Variants in TGFBR1 observed in about 807,000 individuals in gnomAD.
TGFBR1 encodes the protein TGF-beta receptor type-1.
A neutral mutation model predicts 55.1 loss-of-function variants in TGFBR1; 20 were observed. The ratio of observed to expected loss-of-function variants is 0.36; its 90% CI spans 0.26 to 0.53. The LOEUF is 0.53. Among genes scored for constraint, TGFBR1 ranks in the 20% least tolerant of loss-of-function variants. The pLI is 0.91. For synonymous variants in TGFBR1, 220 were observed against 214.8 expected (o/e 1.02, Z -0.21); for missense variants, 385 against 617.6 (o/e 0.62, Z 3.99).
chr9:99,109,111 G>T (rs543164484), intron 1 of TGFBR1, among the ~76,000 whole-genome samples: 57 of 152,300 alleles, frequency 3.7e-4, no homozygotes, highest in African/African-American at 1.3e-3. Context: ...ACGAAGGGAT[G>T]AGTGACTTCC....
rs200204084 is a variant in TGFBR1, at chr9:99,151,399, T to G, written c.*2094T>G. ...TTTTTTGTGGGGGTTTTTTTTTTGT[T>G]TTTTTTTTTTTGTTGTTGTTTTTGG... On this transcript the variant is annotated 3_prime_UTR_variant, in exon 9 of 9. Transcript: ENST00000374994. 18 of 200,656 alleles carry G rather than the reference T, an allele frequency of 9.0e-5. No individual in the cohort carries two copies. The highest frequency in any genetic ancestry group is 6.8e-4 in the South Asian group (3 of 4,408). 12.4% of individuals were successfully genotyped at this position (200,656 alleles called of 1,614,324 possible).
chr9:99,127,827 C>T, intron 1 of TGFBR1: 1 of 414,544 alleles, frequency 2.4e-6, no homozygotes. Flanking sequence ...TTTCATGTGA[C>T]CATGGTGAAA....
intron 1 of TGFBR1, among the ~76,000 whole-genome samples, chr9:99,116,618 A>C (rs953478495): frequency 1.3e-5 from 2 of 152,250 alleles, no homozygotes; most frequent in African/African-American, 4.8e-5. Flanking sequence ...AGGTATAAAT[A>C]ACATCAAGAC....
chr9:99,124,612 A>C (rs1221025605), intron 1 of TGFBR1, among the ~76,000 whole-genome samples: 1 of 152,176 alleles, frequency 6.6e-6, no homozygotes. Context: ...ACTCATGTTC[A>C]TGGAAAAAAT....
chr9:99,137,825 G>T (rs942871373), intron 3 of TGFBR1, 34 bp from the exon 4 acceptor site: 20 of 1,551,410 alleles, frequency 1.3e-5, no homozygotes, highest in Admixed American at 5.0e-5. Context: ...TAATATTGTT[G>T]ATTGTGTTGA....
chr9:99,147,766 CAG>C lies in TGFBR1; in HGVS notation c.1370_1371del (p.Arg457MetfsTer5). The part of the protein sequence containing the change: ...EQKLRPNIPN[R>X]WQSCEALRVM... Reference sequence around the variant, plus strand: ...AGAAGTTAAGGCCAAATATCCCAAACAGATGGCAGAGCTGTGAAGTGAGTATT... The same window carrying C: ...AGAAGTTAAGGCCAAATATCCCAAACATGGCAGAGCTGTGAAGTGAGTATT... On this transcript the variant is annotated frameshift_variant, in exon 8 of 9. Coordinates refer to ENST00000374994, the MANE Select transcript of TGFBR1 (RefSeq NM_004612.4). LOFTEE classifies it high-confidence loss of function. 6.2e-7 allele frequency: 1 copy of C among 1,613,804 alleles called. No homozygotes were observed. Among genetic ancestry groups the C allele is most frequent in the Non-Finnish European group, 8.5e-7 (1 of 1,179,820 alleles).
At chr9:99,137,829 G>T (rs1317155955) in intron 3 of TGFBR1, 30 bp from the exon 4 acceptor site, 9 of 1,562,764 alleles carry the variant, frequency 5.8e-6, no homozygotes, top group Non-Finnish European at 7.9e-6. Context: ...ATTGTTGATT[G>T]TGTTGAGTAC....
At chr9:99,121,055 GTTCTT>G (rs1826883076) in intron 1 of TGFBR1, among the ~76,000 whole-genome samples, 1 of 152,176 alleles carries the variant, frequency 6.6e-6, no homozygotes. Context: ...GGAGTGCCCT[GTTCTT>G]TTAAGATGTG....
rs868572018 is a variant in TGFBR1 at position 99,134,018 on chromosome 9, T to A, written c.574+1279T>A. Among the ~76,000 whole-genome samples the A allele has an allele frequency of 1.2e-3, 182 of 146,880 alleles. 2 individuals carry two copies. The Middle Eastern group carries it at 0.021, about 17-fold the overall frequency. ...ATCTAAAAAAAAAAAAAAAAAAAAATTTTCACTAATTTTATAATTGAGTGA... is the reference window on the plus strand; with the variant it reads ...ATCTAAAAAAAAAAAAAAAAAAAAAATTTCACTAATTTTATAATTGAGTGA... On this transcript the variant is annotated intron_variant, in intron 3 of 8. Transcript: ENST00000374994.
intron 1 of TGFBR1, among the ~76,000 whole-genome samples, chr9:99,111,411 G>A (rs1253276812): frequency 6.8e-6 from 1 of 146,616 alleles, no homozygotes; most frequent in Non-Finnish European, 1.5e-5. Context: ...GGCGAATCAC[G>A]AGGTCAGGAG....
At chr9:99,133,476 C>A (rs1045643411) in intron 3 of TGFBR1, among the ~76,000 whole-genome samples, 19 of 152,094 alleles carry the variant, frequency 1.2e-4, no homozygotes, top group African/African-American at 4.3e-4. Flanking sequence ...TTTACTTTTT[C>A]TTGCATGTGG....
chr9:99,141,273 A>G (rs1588588928), intron 4 of TGFBR1, among the ~76,000 whole-genome samples: 1 of 152,370 alleles, frequency 6.6e-6, no homozygotes, highest in South Asian at 2.1e-4. Flanking sequence ...CAGTTTATAA[A>G]GTTCATGAAG....
intron 5 of TGFBR1, among the ~76,000 whole-genome samples, chr9:99,144,216 C>T (rs1268769697): frequency 1.3e-5 from 2 of 152,206 alleles, no homozygotes; most frequent in African/African-American, 4.8e-5. Context: ...AACTGCCATA[C>T]TATTTTCTTA....
Position 99,149,180 on chromosome 9 carries a change from G to T in TGFBR1, c.1387G>T (p.Ala463Ser), listed in dbSNP as rs776749573. Residue 463 changes from alanine to serine, a missense_variant and splice_region_variant, in exon 9 of 9, where the codon GCC becomes TCC. Ala to Ser is a moderately conservative substitution (Grantham distance 99, BLOSUM62 1). Around this residue, in one of 5 missense-constraint regions of TGFBR1, gnomAD observed 110 missense variants for 154.6 expected, o/e 0.71. Transcript: ENST00000374994. ...TTTTTTTTTTTATATTTTCTTGTAG[G>T]CCTTGAGAGTAATGGCTAAAATTAT... ...NIPNRWQSCE[A>S]LRVMAKIMRE... is the part of the protein sequence containing the mutation. 3 of 1,606,230 alleles carry T rather than the reference G, an allele frequency of 1.9e-6. No individual in the cohort carries two copies. The South Asian group carries it at 3.3e-5, about 18-fold the overall frequency.
At position 99,149,292 on chromosome 9, in the gene TGFBR1, G is replaced by T; in HGVS notation, c.1499G>T (p.Gly500Val). 1.9e-6 allele frequency: 3 copies of T among 1,613,714 alleles called. No homozygotes were observed. Among genetic ancestry groups the T allele is most frequent in the Non-Finnish European group, 2.5e-6 (3 of 1,179,770 alleles). The part of the protein sequence containing the change: ...KTLSQLSQQE[G>V]IKM ...TTATCGCAACTCAGTCAACAGGAAG[G>T]CATCAAAATGTAATTCTACAGCTTT... The change falls in exon 9 of 9, where the codon GGC (glycine) becomes GTC (valine). Residue 500 changes from glycine to valine, a missense_variant. Around this residue, in one of 5 missense-constraint regions of TGFBR1, gnomAD observed 110 missense variants for 154.6 expected, o/e 0.71. Coordinates refer to ENST00000374994, the MANE Select transcript of TGFBR1 (RefSeq NM_004612.4).
intron 1 of TGFBR1, among the ~76,000 whole-genome samples, chr9:99,121,313 T>G (rs1270585470): frequency 6.6e-6 from 1 of 152,188 alleles, no homozygotes; most frequent in Non-Finnish European, 1.5e-5. Flanking sequence ...CTGAGTATTT[T>G]GAGGAACAAA....
At chr9:99,146,259 C>G (rs1827792876) in intron 6 of TGFBR1, among the ~76,000 whole-genome samples, 1 of 152,136 alleles carries the variant, frequency 6.6e-6, no homozygotes, top group Admixed American at 6.5e-5. Context: ...AAACCAAGAT[C>G]ATGAGGCAGA....
At chr9:99,108,763 G>A (rs911625884) in intron 1 of TGFBR1, among the ~76,000 whole-genome samples, 2 of 152,174 alleles carry the variant, frequency 1.3e-5, no homozygotes, top group Non-Finnish European at 2.9e-5. Flanking sequence ...GAATTTGGAT[G>A]TATTAACCTC....
intron 7 of TGFBR1, 91 bp downstream of exon 7, chr9:99,146,700 A>T (rs1259788459): frequency 1.9e-6 from 3 of 1,582,602 alleles, no homozygotes; most frequent in Admixed American, 1.7e-5. Context: ...AATTATGTAC[A>T]GTCCATTATC....
Sources: gnomAD v4.1 joint callset for allele counts (sites outside exome capture counted in the v4.1 genomes callset) on GRCh38, gnomAD v4.1.1 for gene constraint, gnomAD v4.1.1 regional missense constraint, MANE v1.5 for transcripts, NCBI Gene and HGNC (gene_info 2026-07-23, HGNC 2026-07-21) for gene names.